The following FOXK1 variants were observed in gnomAD, a reference collection of about 807,000 sequenced individuals.
FOXK1 encodes forkhead box K1, also known as forkhead box protein K1.
A neutral mutation model predicts 51.9 loss-of-function variants in FOXK1; 19 were observed. The ratio of observed to expected loss-of-function variants is 0.37; its 90% CI spans 0.26 to 0.54. FOXK1 has a LOEUF of 0.54. FOXK1 is among the 20% of genes least tolerant of loss of function. The pLI, the probability that FOXK1 is intolerant of heterozygous loss-of-function variation, is 0.87. For missense variants in FOXK1, 870 were observed against 1,032.7 expected, an observed-to-expected ratio of 0.84 and a Z score of 2.16; for synonymous variants, 537 against 482.6, an observed-to-expected ratio of 1.11 and a Z score of -1.48.
chr7:4,713,449 G>A (rs779876601), intron 1 of FOXK1, among the ~76,000 whole-genome samples: 26 of 151,988 alleles, frequency 1.7e-4, no homozygotes, highest in South Asian at 4.1e-4. Context: ...AGCCCTGCGA[G>A]GTCAGCTCCC....
Position 4,745,757 on chromosome 7 carries a change from A to T in FOXK1, c.746+4734A>T, listed in dbSNP as rs973283248. ...CATCTCTACTGAAAATACAAAAATG[A>T]GCCAGGTGTGTAATCCAAGCTACTT... On this transcript the variant is annotated intron_variant, in intron 2 of 8. Coordinates refer to ENST00000328914, the MANE Select transcript of FOXK1 (RefSeq NM_001037165.2). This position sits in a 1 kb window ranked among gnomAD's most constrained non-coding sequence, Gnocchi z 4.3. Among the ~76,000 whole-genome samples, 7 of 151,894 alleles carry T rather than the reference A, an allele frequency of 4.6e-5. No homozygotes were observed. The highest frequency in any genetic ancestry group is 1.7e-4 in the African/African-American group (7 of 41,334).
At chr7:4,757,247 T>C (rs1780865034) in intron 5 of FOXK1, 60 bp downstream of exon 5, 4 of 1,453,026 alleles carry the variant, frequency 2.8e-6, no homozygotes, top group Admixed American at 4.1e-5. Flanking sequence ...CCCTGGAGTT[T>C]AGAGATACGT....
At chr7:4,750,517 A>T (rs915550959) in intron 2 of FOXK1, among the ~76,000 whole-genome samples, 1 of 149,366 alleles carries the variant, frequency 6.7e-6, no homozygotes, top group Non-Finnish European at 1.5e-5. Context: ...ATCTCTGCTC[A>T]CTGCAAGCTC....
intron 1 of FOXK1, among the ~76,000 whole-genome samples, chr7:4,728,783 G>A (rs966566127): frequency 2.6e-5 from 4 of 151,132 alleles, no homozygotes; most frequent in Admixed American, 6.6e-5. Flanking sequence ...TTCTTAAGTC[G>A]GGCATGAGAG....
At position 4,759,396 on chromosome 7, in the gene FOXK1, C is replaced by T. The variant is rs372541725; in HGVS notation, c.1497C>T (p.Pro499=). 35 of 1,601,486 alleles carry T rather than the reference C, an allele frequency of 2.2e-5. No homozygotes were observed. Among genetic ancestry groups the T allele is most frequent in the African/African-American group, 1.7e-4 (13 of 74,844 alleles). The change falls in exon 7 of 9, where the codon CCC becomes CCT. Residue 499 remains proline (P), a synonymous_variant. Transcript: ENST00000328914. ...SLVAKPVAYM[P]ASIVTSQQPA... Reference sequence around the variant, plus strand: ...TGGCCAAGCCCGTGGCCTACATGCCCGCCTCCATCGTAACCTCACAGCAGC... The same window carrying T: ...TGGCCAAGCCCGTGGCCTACATGCCTGCCTCCATCGTAACCTCACAGCAGC...
Position 4,733,400 on chromosome 7 carries a change from C to T in FOXK1, c.561-7438C>T, listed in dbSNP as rs984689156. ...TTTTCTATTACGTTGCTTGTTGCTC[C>T]GTTATGCAGTGTGCCTTTATGGTCC... On this transcript the variant is annotated intron_variant, in intron 1 of 8. Coordinates refer to ENST00000328914, the MANE Select transcript of FOXK1 (RefSeq NM_001037165.2). This position sits in a 1 kb window ranked among gnomAD's most constrained non-coding sequence, Gnocchi z 5.0. Among the ~76,000 whole-genome samples, 7 of 152,242 alleles carry T rather than the reference C, an allele frequency of 4.6e-5. No individual in the cohort carries two copies. The highest frequency in any genetic ancestry group is 1.9e-4 in the East Asian group (1 of 5,178).
In FOXK1 at chr7:4,753,619, C is replaced by T. The variant is rs908017914; in HGVS notation, c.747-840C>T. Among the ~76,000 whole-genome samples the T allele has an allele frequency of 6.6e-6, 1 of 152,218 alleles. No homozygotes were observed. The highest frequency in any genetic ancestry group is 2.4e-5 in the African/African-American group (1 of 41,462). On this transcript the variant is annotated intron_variant, in intron 2 of 8. Transcript: ENST00000328914. The surrounding 1 kb of genome is among the most constrained non-coding windows in gnomAD (Gnocchi z 4.9). ...TTTCTCTCGGGAGGTTCTGCACCCA[C>T]TCTTCGTGTCTTCATTGGCTTTCTC...
chr7:4,717,306 A>G (rs532853594), intron 1 of FOXK1, among the ~76,000 whole-genome samples: 205 of 117,030 alleles, frequency 1.8e-3, no homozygotes, highest in Non-Finnish European at 2.7e-3. Flanking sequence ...TGTGGATGGA[A>G]GGTGGTGGCG....
chr7:4,736,104 G>A (rs1487802654), intron 1 of FOXK1, among the ~76,000 whole-genome samples: 2 of 152,008 alleles, frequency 1.3e-5, no homozygotes, highest in Non-Finnish European at 2.9e-5. Flanking sequence ...AGCCGAGATC[G>A]CACCACTGCA....
chr7:4,705,982 ACG>A lies in FOXK1; in HGVS notation c.560+23115_560+23116del, dbSNP rs1491539625. Among the ~76,000 whole-genome samples the A allele has an allele frequency of 1.4e-3, 140 of 98,310 alleles. 1 individual carries two copies. Among genetic ancestry groups the A allele is most frequent in the African/African-American group, 8.3e-3 (130 of 15,622 alleles). The allele number at this position is 98,310 out of a possible 152,430, so 64.5% of individuals were successfully genotyped here. A position where few individuals can be genotyped will look rare whatever the true frequency, so the allele number is the denominator to read the frequency against. On this transcript the variant is annotated intron_variant, in intron 1 of 8. Transcript: ENST00000328914. Reference sequence around the variant, plus strand: ...TATGTATATATATATACGTATATATACGTATATATACGTATATATACGTATAT... The same window carrying A: ...TATGTATATATATATACGTATATATATATATATACGTATATATACGTATAT...
At chr7:4,684,369 T>A (rs1779792657) in intron 1 of FOXK1, among the ~76,000 whole-genome samples, 1 of 152,166 alleles carries the variant, frequency 6.6e-6, no homozygotes, top group Non-Finnish European at 1.5e-5. Context: ...CTTCTCCCCT[T>A]TTTTAGTCTT....
chr7:4,732,232 T>TGCA lies in FOXK1; in HGVS notation c.561-8606_561-8605insGCA, dbSNP rs1346134208. On this transcript the variant is annotated intron_variant, in intron 1 of 8. Coordinates refer to ENST00000328914, the MANE Select transcript of FOXK1 (RefSeq NM_001037165.2). The stretch of plus-strand genomic sequence containing the variant: ...AATCATTTGTTCAGTCCACAAGAAC[T>TGCA]CTGATTATGCACCATCATTACCCCA... Among the ~76,000 whole-genome samples the TGCA allele has an allele frequency of 2.0e-3, 312 of 152,350 alleles. 4 individuals are homozygous for TGCA. The highest frequency in any genetic ancestry group is 6.8e-3 in the Middle Eastern group (2 of 294).
rs1220460449 is a variant in FOXK1 at position 4,723,671 on chromosome 7, A to G, written c.561-17167A>G. ...CCTTTCTCTCAAAACAGTTACTACCAATGTTTGTTTATTTGAGATAGGGTC... is the reference window on the plus strand; with the variant it reads ...CCTTTCTCTCAAAACAGTTACTACCGATGTTTGTTTATTTGAGATAGGGTC... On this transcript the variant is annotated intron_variant, in intron 1 of 8. Coordinates refer to ENST00000328914, the MANE Select transcript of FOXK1 (RefSeq NM_001037165.2). The surrounding 1 kb of genome is among the most constrained non-coding windows in gnomAD (Gnocchi z 4.7). Among the ~76,000 whole-genome samples the G allele has an allele frequency of 6.6e-6, 1 of 152,060 alleles. No individual in the cohort carries two copies. The highest frequency in any genetic ancestry group is 6.6e-5 in the Admixed American group (1 of 15,260).
At chr7:4,710,909 T>C (rs964937523) in intron 1 of FOXK1, among the ~76,000 whole-genome samples, 5 of 152,174 alleles carry the variant, frequency 3.3e-5, no homozygotes, top group Non-Finnish European at 5.9e-5. Context: ...TTCCTTCTCC[T>C]CGTCTGTGTA....
chr7:4,706,445 G>A (rs545763396), intron 1 of FOXK1, among the ~76,000 whole-genome samples: 68 of 152,310 alleles, frequency 4.5e-4, no homozygotes, highest in African/African-American at 1.5e-3. Context: ...CAGGAATGCA[G>A]GCCTCTGGCC....
intron 1 of FOXK1, among the ~76,000 whole-genome samples, chr7:4,719,183 G>A (rs1453294568): frequency 1.3e-5 from 2 of 151,690 alleles, no homozygotes; most frequent in Non-Finnish European, 2.9e-5. Flanking sequence ...TTGCCCAGCT[G>A]GAGTGCGATG....
At chr7:4,720,990 A>G (rs1158167278) in intron 1 of FOXK1, among the ~76,000 whole-genome samples, 1 of 151,350 alleles carries the variant, frequency 6.6e-6, no homozygotes, top group Non-Finnish European at 1.5e-5. Context: ...TGATCCGCCC[A>G]CCTCGGCCTC....
chr7:4,692,703 C>T (rs891225956), intron 1 of FOXK1, among the ~76,000 whole-genome samples: 2 of 152,044 alleles, frequency 1.3e-5, no homozygotes, highest in Admixed American at 1.3e-4. Flanking sequence ...CTTGAGCCAC[C>T]GCACCCGGCT....
rs1219636991 is a variant in FOXK1, at chr7:4,734,926, C to T, written c.561-5912C>T. On this transcript the variant is annotated intron_variant, in intron 1 of 8. Coordinates refer to ENST00000328914, the MANE Select transcript of FOXK1 (RefSeq NM_001037165.2). The surrounding 1 kb of genome is among the most constrained non-coding windows in gnomAD (Gnocchi z 5.2). ...TCACATTCATTTTAAAAATCGCCTC[C>T]GGAAGCTTTCACGGGCTCTTCCTTC... 6.6e-6 allele frequency among the ~76,000 whole-genome samples: 1 copy of T among 152,144 alleles called. No individual in the cohort carries two copies. The highest frequency in any genetic ancestry group is 2.4e-5 in the African/African-American group (1 of 41,428).
Sources: allele counts gnomAD v4.1 joint callset (sites outside exome capture counted in the v4.1 genomes callset), GRCh38; gene constraint gnomAD v4.1.1; non-coding constraint Gnocchi (gnomAD v3.1); transcripts MANE v1.5; gene names NCBI Gene and HGNC (gene_info 2026-07-23, HGNC 2026-07-21).